ZSWIM5: variants seen among roughly 807,000 people sequenced by gnomAD.
ZSWIM5 encodes the protein zinc finger SWIM-type containing 5.
ZSWIM5 carries 55 observed loss-of-function variants against 119.6 expected under a neutral mutation model. The observed-to-expected ratio is 0.46, with a 90% confidence interval of 0.37 to 0.58. ZSWIM5 has a LOEUF of 0.58. Ranked by LOEUF, ZSWIM5 falls within the 20% of genes least tolerant of loss-of-function variation. ZSWIM5 has a pLI of 0.00. For missense variants in ZSWIM5, 1,193 were observed against 1,512.8 expected (o/e 0.79, Z 3.51); for synonymous variants, 537 against 606.9 (o/e 0.88, Z 1.69).
intron 1 of ZSWIM5, among the ~76,000 whole-genome samples, chr1:45,123,080 C>T (rs1464957796): frequency 6.6e-6 from 1 of 152,186 alleles, no homozygotes; most frequent in African/African-American, 2.4e-5. Context: ...AGGACTTCTA[C>T]CTCCACCTAG....
At chr1:45,043,476 T>C in intron 5 of ZSWIM5, 81 bp from the exon 6 acceptor site, 1 of 1,389,984 alleles carries the variant, frequency 7.2e-7, no homozygotes, top group Non-Finnish European at 1.0e-6. Flanking sequence ...GGGTGGGAGG[T>C]TGGCTGAATA....
In ZSWIM5 at chr1:45,033,384, A is replaced by C. The variant is rs532785236; in HGVS notation, c.2449+928T>G. On this transcript the variant is annotated intron_variant, in intron 11 of 13. Transcript: ENST00000359600. ...GGGACAATAAGAAGATACCACATAA[A>C]GTTATTTTTAATTAAAAAATAACTT... is the stretch of plus-strand genomic sequence containing the variant. Among the ~76,000 whole-genome samples the C allele has an allele frequency of 2.1e-4, 32 of 152,322 alleles. 1 individual carries two copies. In the South Asian group the frequency reaches 3.5e-3, roughly 17 times the overall value.
At chr1:45,139,515 C>T (rs1645714292) in intron 1 of ZSWIM5, among the ~76,000 whole-genome samples, 2 of 126,812 alleles carry the variant, frequency 1.6e-5, no homozygotes, top group South Asian at 6.1e-4. Context: ...AAGCAATCTT[C>T]CCACCCAAAG....
At position 45,051,147 on chromosome 1, in the gene ZSWIM5, C is replaced by T; in HGVS notation, c.1359G>A (p.Leu453=). 1 of 1,614,192 alleles carries T rather than the reference C, an allele frequency of 6.2e-7. No homozygotes were observed. The highest frequency in any genetic ancestry group is 8.5e-7 in the Non-Finnish European group (1 of 1,180,046). The change falls in exon 5 of 14, where the codon CTG becomes CTA. Residue 453 remains leucine (L), a synonymous_variant. Transcript: ENST00000359600. ...GCTCATGTCCATAGTTTCCATCCTC[C>T]AGGGGACAGACATCCAGGTCGCTCC... is the stretch of plus-strand genomic sequence containing the variant. ...QKWSDLDVCP[L]EDGNYGHELP...
intron 1 of ZSWIM5, among the ~76,000 whole-genome samples, chr1:45,122,517 A>G (rs972543525): frequency 7.2e-5 from 11 of 152,166 alleles, no homozygotes; most frequent in African/African-American, 2.7e-4. Context: ...CAAAACAAAC[A>G]TAAAAAGACT....
intron 1 of ZSWIM5, among the ~76,000 whole-genome samples, chr1:45,176,064 A>G (rs1194947025): frequency 6.6e-6 from 1 of 151,274 alleles, no homozygotes; most frequent in Non-Finnish European, 1.5e-5. Flanking sequence ...AAACCAAGAT[A>G]TGGGCATTAG....
chr1:45,114,749 T>A (rs1645537652), intron 1 of ZSWIM5, among the ~76,000 whole-genome samples: 1 of 151,922 alleles, frequency 6.6e-6, no homozygotes, highest in Non-Finnish European at 1.5e-5. Context: ...CAGATAAACA[T>A]GTGAACAAGG....
intron 11 of ZSWIM5, among the ~76,000 whole-genome samples, chr1:45,029,504 G>A (rs1194980389): frequency 6.6e-6 from 1 of 152,176 alleles, no homozygotes; most frequent in Non-Finnish European, 1.5e-5. Context: ...GTTGATTAAA[G>A]TGGTGTTGGC....
At chr1:45,074,984 A>G (rs1645247736) in intron 2 of ZSWIM5, among the ~76,000 whole-genome samples, 1 of 152,008 alleles carries the variant, frequency 6.6e-6, no homozygotes, top group Non-Finnish European at 1.5e-5. Context: ...CTGGTCATCC[A>G]GGAGCATAAT....
chr1:45,038,950 T>G lies in ZSWIM5; in HGVS notation c.1880A>C (p.Tyr627Ser), dbSNP rs371499883. The G allele has an allele frequency of 1.9e-5, 31 of 1,613,640 alleles. No homozygotes were observed. Among genetic ancestry groups the G allele is most frequent in the African/African-American group, 2.7e-5 (2 of 74,890 alleles). ...GACCCCTGTACCTGACATCTCCAGA[T>G]AGCCATCATCATTCAGGCGGCAGGC... ...TEACRLNDDG[Y>S]LEMSDMNESR... The change falls in exon 8 of 14, where the codon TAT becomes TCT. Residue 627 changes from tyrosine (Y) to serine (S), a missense_variant. Transcript: ENST00000359600.
At chr1:45,205,608 G>T (rs929528845) in intron 1 of ZSWIM5, 148 bp downstream of exon 1, 2 of 812,204 alleles carry the variant, frequency 2.5e-6, no homozygotes, top group Non-Finnish European at 3.4e-6. Context: ...GTGAAAGGTT[G>T]AAAAAAGTTT....
At chr1:45,075,610 G>A (rs534763366) in intron 2 of ZSWIM5, among the ~76,000 whole-genome samples, 14 of 152,138 alleles carry the variant, frequency 9.2e-5, no homozygotes, top group South Asian at 2.1e-4. Flanking sequence ...TAAGTGAAGT[G>A]TGTTTCTTGT....
At chr1:45,161,392 T>C (rs1255805467) in intron 1 of ZSWIM5, among the ~76,000 whole-genome samples, 1 of 152,204 alleles carries the variant, frequency 6.6e-6, no homozygotes, top group Non-Finnish European at 1.5e-5. Flanking sequence ...AGAGTTACCT[T>C]CTCTCTGCAT....
intron 5 of ZSWIM5, among the ~76,000 whole-genome samples, chr1:45,050,600 A>G (rs1645083273): frequency 1.3e-5 from 2 of 152,202 alleles, no homozygotes; most frequent in African/African-American, 2.4e-5. Context: ...AATCCTACCA[A>G]TAATATGGGA....
intron 1 of ZSWIM5, among the ~76,000 whole-genome samples, chr1:45,201,858 T>C (rs1004388913): frequency 1.3e-5 from 2 of 152,182 alleles, no homozygotes; most frequent in Admixed American, 6.5e-5. Flanking sequence ...TATGCACAAA[T>C]CTGGAGTTTT....
chr1:45,181,949 C>A (rs1201528310), intron 1 of ZSWIM5, among the ~76,000 whole-genome samples: 2 of 152,078 alleles, frequency 1.3e-5, no homozygotes, highest in Admixed American at 1.3e-4. Flanking sequence ...CATGGAAAGG[C>A]ACAACTGGTA....
At position 45,039,049 on chromosome 1, in the gene ZSWIM5, G is replaced by A. The variant is rs776875438; in HGVS notation, c.1781C>T (p.Thr594Ile). The A allele has an allele frequency of 4.3e-6, 7 of 1,614,120 alleles. No individual in the cohort carries two copies. Among genetic ancestry groups the A allele is most frequent in the Admixed American group, 1.7e-5 (1 of 60,016 alleles). Reference sequence around the variant, plus strand: ...CACCCAGCCCTCCAGGTTTGTGATGGTTGTGGTTCCTCTCTGCAACAGTTC... The same window carrying A: ...CACCCAGCCCTCCAGGTTTGTGATGATTGTGGTTCCTCTCTGCAACAGTTC... ...KKELLQRGTT[T>I]ITNLEGWVGH... is the part of the protein sequence containing the mutation. Residue 594 changes from threonine to isoleucine, a missense_variant, in exon 8 of 14, where the codon ACC becomes ATC. Transcript: ENST00000359600.
At chr1:45,084,790 C>A (rs1645315392) in intron 2 of ZSWIM5, among the ~76,000 whole-genome samples, 1 of 152,368 alleles carries the variant, frequency 6.6e-6, no homozygotes, top group Admixed American at 6.5e-5. Flanking sequence ...CAGCTCCACC[C>A]CCTGAGAGCT....
intron 1 of ZSWIM5, among the ~76,000 whole-genome samples, chr1:45,166,803 T>A (rs1645906893): frequency 6.6e-6 from 1 of 152,014 alleles, no homozygotes; most frequent in African/African-American, 2.4e-5. Context: ...TACAAACCAC[T>A]GCTCAACAAA....
Sources: gnomAD v4.1 joint callset for allele counts (sites outside exome capture counted in the v4.1 genomes callset) on GRCh38, gnomAD v4.1.1 for gene constraint, MANE v1.5 for transcripts, NCBI Gene and HGNC (gene_info 2026-07-23, HGNC 2026-07-21) for gene names.